MYO3B: variants seen among roughly 807,000 people sequenced by gnomAD.
MYO3B encodes myosin-IIIb.
In MYO3B, 156 loss-of-function variants were observed where a neutral mutation model predicts 174.6. That is an observed-to-expected ratio of 0.89 (90% CI 0.78 to 1.02). The LOEUF is 1.02. MYO3B is among the 50% of genes least tolerant of loss of function. MYO3B has a pLI of 0.00. For synonymous variants in MYO3B, 563 were observed against 569.1 expected (o/e 0.99, Z 0.15); for missense variants, 1,632 against 1,639.4 (o/e 1.00, Z 0.08).
chr2:170,207,298 G>T (rs1222069677), intron 3 of MYO3B, among the ~76,000 whole-genome samples: 1 of 152,152 alleles, frequency 6.6e-6, no homozygotes, highest in Non-Finnish European at 1.5e-5. Context: ...GGCCAAAGGG[G>T]CCATCATCCG....
chr2:170,423,231 C>T (rs1237047613), intron 22 of MYO3B, among the ~76,000 whole-genome samples: 10 of 152,174 alleles, frequency 6.6e-5, no homozygotes, highest in African/African-American at 2.2e-4. Flanking sequence ...GATCCACCCA[C>T]CTTGGCCTCC....
intron 30 of MYO3B, among the ~76,000 whole-genome samples, chr2:170,539,449 C>G (rs963059094): frequency 3.3e-5 from 5 of 152,084 alleles, no homozygotes; most frequent in African/African-American, 9.7e-5. Flanking sequence ...AATTGAGCAC[C>G]GGATTAAAAT....
intron 32 of MYO3B, among the ~76,000 whole-genome samples, chr2:170,560,015 C>T (rs1277904074): frequency 1.3e-5 from 2 of 152,172 alleles, no homozygotes; most frequent in Non-Finnish European, 1.5e-5. Context: ...TAGCTTACTA[C>T]ATGTAGAATA....
chr2:170,328,264 T>C (rs2093884030), intron 7 of MYO3B, among the ~76,000 whole-genome samples: 1 of 152,114 alleles, frequency 6.6e-6, no homozygotes, highest in Non-Finnish European at 1.5e-5. Context: ...TACCCAGGGA[T>C]ACCCACCACT....
intron 22 of MYO3B, among the ~76,000 whole-genome samples, chr2:170,416,522 C>CAAAAAAAA (rs1209503137): frequency 1.7e-5 from 1 of 60,120 alleles, no homozygotes; most frequent in Non-Finnish European, 3.4e-5. Context: ...GACTCCGTCT[C>CAAAAAAAA]AAAAAAAAAA....
At chr2:170,243,206 G>A (rs1428543875) in intron 7 of MYO3B, among the ~76,000 whole-genome samples, 1 of 152,170 alleles carries the variant, frequency 6.6e-6, no homozygotes, top group Non-Finnish European at 1.5e-5. Flanking sequence ...TGAGTCTATG[G>A]GTTTCTCTGG....
At chr2:170,508,047 G>T (rs1418076493) in intron 28 of MYO3B, among the ~76,000 whole-genome samples, 1 of 152,144 alleles carries the variant, frequency 6.6e-6, no homozygotes, top group Non-Finnish European at 1.5e-5. Flanking sequence ...GTCATTGTGG[G>T]CTGGAGGTCC....
intron 22 of MYO3B, among the ~76,000 whole-genome samples, chr2:170,411,486 A>G (rs2094545794): frequency 6.6e-6 from 1 of 152,222 alleles, no homozygotes; most frequent in South Asian, 2.1e-4. Flanking sequence ...ATATCTAAAC[A>G]TAGAAAAGGT....
intron 32 of MYO3B, among the ~76,000 whole-genome samples, chr2:170,588,007 A>C (rs916245394): frequency 6.6e-6 from 1 of 152,176 alleles, no homozygotes; most frequent in Non-Finnish European, 1.5e-5. Flanking sequence ...CCATATGGAC[A>C]AGTCAATGTC....
At chr2:170,273,981 TAG>T (rs1219299919) in intron 7 of MYO3B, among the ~76,000 whole-genome samples, 1 of 152,008 alleles carries the variant, frequency 6.6e-6, no homozygotes, top group Non-Finnish European at 1.5e-5. Flanking sequence ...AACTGAGACA[TAG>T]AGAGTCATTT....
chr2:170,515,050 T>G, intron 29 of MYO3B, 28 bp downstream of exon 29: 1 of 1,579,820 alleles, frequency 6.3e-7, no homozygotes, highest in African/African-American at 1.3e-5. Context: ...TTAGAATGAG[T>G]GTTCTAAATT....
At chr2:170,480,530 C>T (rs1685624634) in intron 25 of MYO3B, among the ~76,000 whole-genome samples, 1 of 152,192 alleles carries the variant, frequency 6.6e-6, no homozygotes, top group African/African-American at 2.4e-5. Flanking sequence ...CTAAGAGCTG[C>T]TCCAGCAAAT....
At chr2:170,256,675 G>A (rs1321569330) in intron 7 of MYO3B, among the ~76,000 whole-genome samples, 1 of 152,088 alleles carries the variant, frequency 6.6e-6, no homozygotes, top group Non-Finnish European at 1.5e-5. Flanking sequence ...ACACAATTGA[G>A]ACTACAAAGC....
At chr2:170,256,276 A>G (rs1196146554) in intron 7 of MYO3B, among the ~76,000 whole-genome samples, 1 of 152,198 alleles carries the variant, frequency 6.6e-6, no homozygotes, top group Non-Finnish European at 1.5e-5. Context: ...AAATTCAAAA[A>G]ATTCAGACAA....
intron 8 of MYO3B, among the ~76,000 whole-genome samples, chr2:170,339,205 T>A (rs990007408): frequency 6.6e-6 from 1 of 152,226 alleles, no homozygotes; most frequent in Non-Finnish European, 1.5e-5. Context: ...TATCTGGTAA[T>A]TTTAGGAAAA....
At chr2:170,348,549 T>G (rs992630134) in intron 8 of MYO3B, 1 of 152,118 alleles carries the variant, frequency 6.6e-6, no homozygotes, top group Non-Finnish European at 1.5e-5. Context: ...ATACTGTGTA[T>G]ATTTTGAGGC....
intron 23 of MYO3B, among the ~76,000 whole-genome samples, chr2:170,450,801 C>T (rs116023365): frequency 1.9e-3 from 282 of 152,192 alleles, no homozygotes; most frequent in Non-Finnish European, 3.5e-3. Flanking sequence ...TTCTGTTAAA[C>T]AGATCAATTT....
intron 30 of MYO3B, among the ~76,000 whole-genome samples, chr2:170,535,220 G>T (rs952222523): frequency 6.6e-6 from 1 of 152,200 alleles, no homozygotes; most frequent in Non-Finnish European, 1.5e-5. Context: ...ATTTAAAGGT[G>T]CTCGGTAAAG....
chr2:170,220,045 T>A (rs1223310042), intron 6 of MYO3B, among the ~76,000 whole-genome samples: 7 of 151,978 alleles, frequency 4.6e-5, no homozygotes, highest in Non-Finnish European at 8.8e-5. Context: ...GATCACGAGG[T>A]CAGGAGATCG....
Sources: gnomAD v4.1 joint callset for allele counts (sites outside exome capture counted in the v4.1 genomes callset) on GRCh38, gnomAD v4.1.1 for gene constraint, MANE v1.5 for transcripts, NCBI Gene and HGNC (gene_info 2026-07-23, HGNC 2026-07-21) for gene names.